The following PHACTR1 variants were observed in gnomAD, a reference collection of about 807,000 sequenced individuals.
PHACTR1 encodes the protein phosphatase and actin regulator 1.
A neutral mutation model predicts 69.2 loss-of-function variants in PHACTR1; 16 were observed. The observed-to-expected ratio is 0.23, with a 90% CI of 0.16 to 0.35. The LOEUF is 0.35. Among genes scored for constraint, PHACTR1 ranks in the 10% least tolerant of loss-of-function variants. The probability of loss-of-function intolerance (pLI) is 1.00; values close to 1 mark genes in which losing one functional copy is unlikely to be tolerated. For missense variants in PHACTR1, 510 were observed against 734.7 expected (o/e 0.69, Z 3.54); for synonymous variants, 312 against 284.5 (o/e 1.10, Z -0.97).
At chr6:13,005,860 A>C (rs1582927340) in intron 4 of PHACTR1, among the ~76,000 whole-genome samples, 10 of 145,274 alleles carry the variant, frequency 6.9e-5, no homozygotes, top group East Asian at 2.1e-4. Flanking sequence ...GCCCCACCCC[A>C]CCCCCCACAA....
chr6:12,979,396 A>G (rs1795244950), intron 4 of PHACTR1, among the ~76,000 whole-genome samples: 1 of 152,140 alleles, frequency 6.6e-6, no homozygotes, highest in South Asian at 2.1e-4. Flanking sequence ...AGCAGATCCT[A>G]CCTTCAGGAG....
intron 10 of PHACTR1, among the ~76,000 whole-genome samples, chr6:13,250,424 T>A (rs1046212611): frequency 2.6e-5 from 4 of 152,244 alleles, no homozygotes; most frequent in Admixed American, 2.6e-4. Context: ...ATACAGATTA[T>A]GCTGGGAATA....
chr6:13,221,871 A>G (rs1256816284), intron 8 of PHACTR1, among the ~76,000 whole-genome samples: 1 of 152,148 alleles, frequency 6.6e-6, no homozygotes, highest in African/African-American at 2.4e-5. Flanking sequence ...CCCTGCCTCT[A>G]CTAAAAATAT....
chr6:13,260,231 G>T (rs575645429), intron 10 of PHACTR1, among the ~76,000 whole-genome samples: 2 of 152,266 alleles, frequency 1.3e-5, no homozygotes, highest in South Asian at 4.1e-4. Context: ...CCAATGTAAT[G>T]GATAAGGCCA....
intron 5 of PHACTR1, among the ~76,000 whole-genome samples, chr6:13,112,545 A>G (rs781735557): frequency 1.3e-5 from 2 of 151,974 alleles, no homozygotes; most frequent in Non-Finnish European, 2.9e-5. Flanking sequence ...CCAGCATCTG[A>G]TATTTTTTGA....
At chr6:12,808,969 C>A (rs183388399) in intron 4 of PHACTR1, among the ~76,000 whole-genome samples, 33 of 152,130 alleles carry the variant, frequency 2.2e-4, no homozygotes, top group Admixed American at 1.2e-3. Flanking sequence ...CCTTCACTTC[C>A]CGGGCTCAAG....
chr6:13,281,167 T>C, intron 12 of PHACTR1: 5 of 1,255,194 alleles, frequency 4.0e-6, no homozygotes, highest in Non-Finnish European at 5.2e-6. Flanking sequence ...CTGCCATAGA[T>C]AGGACATTAG....
intron 4 of PHACTR1, among the ~76,000 whole-genome samples, chr6:13,030,799 G>A (rs1402248172): frequency 1.3e-5 from 2 of 152,210 alleles, no homozygotes; most frequent in African/African-American, 2.4e-5. Context: ...GTATAGAAGA[G>A]GTGAAAGCAG....
chr6:12,723,688 T>C (rs1051332884), intron 3 of PHACTR1, among the ~76,000 whole-genome samples: 1 of 152,084 alleles, frequency 6.6e-6, no homozygotes, highest in Non-Finnish European at 1.5e-5. Flanking sequence ...AATCTTGCTA[T>C]GTTTCCCAGG....
intron 4 of PHACTR1, among the ~76,000 whole-genome samples, chr6:12,780,245 TTC>T (rs1181678065): frequency 5.4e-5 from 6 of 110,450 alleles, no homozygotes; most frequent in South Asian, 3.6e-4. Context: ...TATATATCTT[TTC>T]TCTGTGTGTG....
intron 5 of PHACTR1, among the ~76,000 whole-genome samples, chr6:13,155,116 T>C (rs748123169): frequency 2.6e-5 from 4 of 152,330 alleles, no homozygotes; most frequent in Non-Finnish European, 4.4e-5. Flanking sequence ...ATCCACCATG[T>C]TGGCTTCTGA....
intron 4 of PHACTR1, among the ~76,000 whole-genome samples, chr6:13,031,855 A>G (rs2127691878): frequency 6.6e-6 from 1 of 152,238 alleles, no homozygotes; most frequent in East Asian, 1.9e-4. Context: ...CAAAGTTTGC[A>G]TTTCTTACTG....
intron 10 of PHACTR1, among the ~76,000 whole-genome samples, chr6:13,263,196 C>G (rs1260212920): frequency 6.7e-6 from 1 of 150,130 alleles, no homozygotes; most frequent in African/African-American, 2.5e-5. Flanking sequence ...TCTTCTTTTT[C>G]CAAGGTCAAA....
Position 13,002,765 on chromosome 6 carries a change from TGAATATGC to T in PHACTR1, c.251-50599_251-50592del, listed in dbSNP as rs1206623873. 2.6e-5 allele frequency among the ~76,000 whole-genome samples: 4 copies of T among 152,336 alleles called. No individual in the cohort carries two copies. The South Asian group carries it at 8.3e-4, about 32-fold the overall frequency. ...ACCATTTAAGAAAAATTAGCTAATC[TGAATATGC>T]AAATATGATAATATGCCCTCTATGG... On this transcript the variant is annotated intron_variant, in intron 4 of 14. Coordinates refer to ENST00000332995, the MANE Select transcript of PHACTR1 (RefSeq NM_030948.6).
At chr6:13,083,785 A>G (rs1279461407) in intron 5 of PHACTR1, among the ~76,000 whole-genome samples, 2 of 152,080 alleles carry the variant, frequency 1.3e-5, no homozygotes, top group Non-Finnish European at 2.9e-5. Flanking sequence ...TGATTTTTGT[A>G]CATTGATTTT....
intron 4 of PHACTR1, among the ~76,000 whole-genome samples, chr6:12,761,188 GC>G (rs1356428376): frequency 8.5e-5 from 13 of 152,306 alleles, no homozygotes; most frequent in African/African-American, 2.4e-4. Flanking sequence ...ACAGCCAAGT[GC>G]CATACAAAGG....
intron 4 of PHACTR1, among the ~76,000 whole-genome samples, chr6:12,756,466 G>T (rs1383840901): frequency 2.0e-5 from 3 of 152,094 alleles, no homozygotes; most frequent in Non-Finnish European, 4.4e-5. Flanking sequence ...TATAATGAAG[G>T]GTAGTTAAAT....
intron 7 of PHACTR1, among the ~76,000 whole-genome samples, chr6:13,203,963 G>A (rs1482143264): frequency 6.6e-6 from 1 of 152,126 alleles, no homozygotes; most frequent in South Asian, 2.1e-4. Context: ...AAGGCCACCT[G>A]GTCAACTTTG....
chr6:12,741,098 T>C (rs1274214526), intron 3 of PHACTR1, among the ~76,000 whole-genome samples: 1 of 152,028 alleles, frequency 6.6e-6, no homozygotes, highest in Non-Finnish European at 1.5e-5. Flanking sequence ...ACATTATTGA[T>C]TTGAAATATT....
Sources: allele counts gnomAD v4.1 joint callset (sites outside exome capture counted in the v4.1 genomes callset), GRCh38; gene constraint gnomAD v4.1.1; transcripts MANE v1.5; gene names NCBI Gene and HGNC (gene_info 2026-07-23, HGNC 2026-07-21).